The following NDC1 variants were observed in gnomAD, a reference collection of about 807,000 sequenced individuals.
The protein encoded by NDC1 is NDC1 transmembrane nucleoporin, also known as nucleoporin NDC1.
A neutral mutation model predicts 89.8 loss-of-function variants in NDC1; 24 were observed. The observed-to-expected ratio is 0.27, with a 90% CI of 0.19 to 0.38. The LOEUF is 0.38. Among genes scored for constraint, NDC1 ranks in the 10% least tolerant of loss-of-function variants. NDC1 has a pLI of 1.00. For synonymous variants in NDC1, 296 were observed against 284.8 expected (o/e 1.04, Z -0.39); for missense variants, 728 against 797.6 (o/e 0.91, Z 1.05).
intron 17 of NDC1, among the ~76,000 whole-genome samples, chr1:53,769,344 C>T (rs551620564): frequency 2.6e-5 from 4 of 152,064 alleles, no homozygotes; most frequent in South Asian, 2.1e-4. Flanking sequence ...TATAACATGA[C>T]GACTATGGCT....
At chr1:53,833,451 T>C (rs146012990) in intron 2 of NDC1, among the ~76,000 whole-genome samples, 1 of 152,222 alleles carries the variant, frequency 6.6e-6, no homozygotes, top group African/African-American at 2.4e-5. Context: ...TATGCAAATA[T>C]TTAATCATGT....
At position 53,828,112 on chromosome 1, in the gene NDC1, T is replaced by C. The variant is rs1648933027; in HGVS notation, c.342A>G (p.Gln114=). ...ALIGKIIHPQ[Q]LMHSFIHAAM... ...CAGCATGAATAAATGAGTGCATGAG[T>C]TGCTGAGGATGAATGATCTTCCCTA... Residue 114 remains glutamine, a synonymous_variant, in exon 4 of 18, where the codon CAA becomes CAG. Coordinates refer to ENST00000371429, the MANE Select transcript of NDC1 (RefSeq NM_018087.5). 6.2e-7 allele frequency: 1 copy of C among 1,613,862 alleles called. No individual in the cohort carries two copies. The highest frequency in any genetic ancestry group is 8.5e-7 in the Non-Finnish European group (1 of 1,179,976).
intron 15 of NDC1, among the ~76,000 whole-genome samples, chr1:53,787,649 T>C (rs1421455898): frequency 1.4e-5 from 2 of 139,190 alleles, no homozygotes; most frequent in African/African-American, 2.9e-5. Context: ...AAATAAAAAG[T>C]AAAATAAATA....
chr1:53,823,243 G>A (rs563518147), intron 5 of NDC1, among the ~76,000 whole-genome samples: 5 of 152,142 alleles, frequency 3.3e-5, no homozygotes, highest in Non-Finnish European at 4.4e-5. Context: ...GGAGAACAGC[G>A]CCCACCTGGG....
intron 11 of NDC1, among the ~76,000 whole-genome samples, chr1:53,800,292 C>T (rs1181438274): frequency 6.6e-6 from 1 of 150,410 alleles, no homozygotes; most frequent in East Asian, 1.9e-4. Flanking sequence ...AAATATACAC[C>T]TCACACTCAT....
At chr1:53,780,650 T>A (rs778267588) in intron 16 of NDC1, among the ~76,000 whole-genome samples, 6 of 152,128 alleles carry the variant, frequency 3.9e-5, no homozygotes, top group Non-Finnish European at 8.8e-5. Context: ...GTTGATCAAC[T>A]TCATTAGGAT....
chr1:53,770,767 G>T (rs960352665), intron 17 of NDC1, among the ~76,000 whole-genome samples: 1 of 152,032 alleles, frequency 6.6e-6, no homozygotes, highest in Admixed American at 6.6e-5. Flanking sequence ...TGATTCTCAT[G>T]CCTCAGCCTC....
intron 11 of NDC1, 41 bp from the exon 12 acceptor site, chr1:53,797,185 CCAAGCAGGCTA>C (rs770933678): frequency 6.6e-5 from 105 of 1,601,330 alleles, no homozygotes; most frequent in Non-Finnish European, 9.0e-5. Flanking sequence ...GCAACCTGAT[CCAAGCAGGCTA>C]GCAGCAACGC....
At chr1:53,776,208 C>T (rs1647161516) in intron 16 of NDC1, among the ~76,000 whole-genome samples, 1 of 152,104 alleles carries the variant, frequency 6.6e-6, no homozygotes, top group African/African-American at 2.4e-5. Flanking sequence ...CTGCCTTCCC[C>T]GGTTTCCCAA....
At chr1:53,795,116 C>T (rs1647655031) in intron 13 of NDC1, among the ~76,000 whole-genome samples, 2 of 152,080 alleles carry the variant, frequency 1.3e-5, no homozygotes, top group Non-Finnish European at 2.9e-5. Context: ...TAGTTCCCGC[C>T]CCATGCTACC....
intron 6 of NDC1, among the ~76,000 whole-genome samples, chr1:53,810,631 G>A (rs12064735): frequency 0.062 from 9,509 of 152,230 alleles, 880 homozygotes; most frequent in African/African-American, 0.2. Context: ...GAGGCTGAGC[G>A]TGATGGCTCA....
At position 53,816,248 on chromosome 1, in the gene NDC1, C is replaced by T. The variant is rs902586540; in HGVS notation, c.703+2723G>A. On this transcript the variant is annotated intron_variant, in intron 6 of 17. Coordinates refer to ENST00000371429, the MANE Select transcript of NDC1 (RefSeq NM_018087.5). ...ACAGAGCGGTACTGGTGTGAAAATA[C>T]GCACATAGACCAATGGAGCAGGATA... Among the ~76,000 whole-genome samples the T allele has an allele frequency of 9.2e-5, 14 of 152,168 alleles. 1 individual carries two copies. Among genetic ancestry groups the T allele is most frequent in the African/African-American group, 2.9e-4 (12 of 41,530 alleles).
intron 3 of NDC1, among the ~76,000 whole-genome samples, chr1:53,832,058 C>G (rs554425247): frequency 6.6e-6 from 1 of 151,896 alleles, no homozygotes; most frequent in African/African-American, 2.4e-5. Flanking sequence ...TAATAAAATT[C>G]ACTATTCGAA....
intron 9 of NDC1, among the ~76,000 whole-genome samples, chr1:53,805,285 C>A (rs1347129179): frequency 6.6e-6 from 1 of 152,090 alleles, no homozygotes; most frequent in African/African-American, 2.4e-5. Flanking sequence ...CTCACTGCAG[C>A]CTCCAACTCT....
intron 16 of NDC1, among the ~76,000 whole-genome samples, chr1:53,783,980 T>C (rs1647246782): frequency 6.6e-6 from 1 of 152,184 alleles, no homozygotes. Flanking sequence ...TGAATGACTA[T>C]AATCAAACAG....
chr1:53,825,453 C>CAAAAAAAAAAAAAAAAAAAAAAAA (rs369960654), intron 5 of NDC1, among the ~76,000 whole-genome samples: 19 of 125,856 alleles, frequency 1.5e-4, no homozygotes, highest in East Asian at 4.2e-4. Flanking sequence ...AGACTGTCTC[C>CAAAAAAAAAAAAAAAAAAAAAAAA]AAAAAAAAAG....
Position 53,807,679 on chromosome 1 carries a change from G to A in NDC1, c.868C>T (p.Leu290Phe). The change falls in exon 8 of 18, where the codon CTC becomes TTC. Residue 290 changes from leucine (L) to phenylalanine (F), a missense_variant. Transcript: ENST00000371429. ...ACCTCTGTGGCATAGATTTTGAAGA[G>A]TATCCATGAGACATACCAAGTCGTC... ...LLTTWYVSWI[L>F]FKIYATEAHV... is the part of the protein sequence containing the mutation. 1 of 1,610,248 alleles carries A rather than the reference G, an allele frequency of 6.2e-7. No homozygotes were observed. Among genetic ancestry groups the A allele is most frequent in the East Asian group, 2.2e-5 (1 of 44,810 alleles).
At chr1:53,828,241 C>A (rs1648938937) in intron 3 of NDC1, 68 bp from the exon 4 acceptor site, 1 of 1,359,962 alleles carries the variant, frequency 7.4e-7, no homozygotes. Context: ...TCTAAACTAT[C>A]CCCTCTCATC....
At chr1:53,801,843 G>A (rs1647930083) in intron 10 of NDC1, among the ~76,000 whole-genome samples, 1 of 152,178 alleles carries the variant, frequency 6.6e-6, no homozygotes, top group Admixed American at 6.5e-5. Context: ...TGCAACCTCT[G>A]CCTCTGGGGT....
Sources: allele counts gnomAD v4.1 joint callset (sites outside exome capture counted in the v4.1 genomes callset), GRCh38; gene constraint gnomAD v4.1.1; transcripts MANE v1.5; gene names NCBI Gene and HGNC (gene_info 2026-07-23, HGNC 2026-07-21).